Variants in MYOCD observed in about 807,000 individuals in gnomAD.
MYOCD encodes the protein myocardin.
In MYOCD, 32 loss-of-function variants were observed where a neutral mutation model predicts 96.1. That is an observed-to-expected ratio of 0.33 (90% CI 0.25 to 0.45). The LOEUF is 0.45. Ranked by LOEUF, MYOCD falls within the 20% of genes least tolerant of loss-of-function variation. MYOCD has a pLI of 1.00. For missense variants in MYOCD, 1,133 were observed against 1,200.6 expected, an observed-to-expected ratio of 0.94 and a Z score of 0.83; for synonymous variants, 469 against 469.0, an observed-to-expected ratio of 1.00 and a Z score of 0.00.
At chr17:12,749,720 T>C (rs376790768) in intron 9 of MYOCD, among the ~76,000 whole-genome samples, 1 of 21,792 alleles carries the variant, frequency 4.6e-5, no homozygotes, top group African/African-American at 1.2e-4. Flanking sequence ...TATATATATG[T>C]GTGTGTGTAT....
intron 4 of MYOCD, among the ~76,000 whole-genome samples, chr17:12,722,238 C>T (rs1228046021): frequency 6.6e-6 from 1 of 152,156 alleles, no homozygotes; most frequent in Non-Finnish European, 1.5e-5. Flanking sequence ...TCAGCTGTAT[C>T]GAAGTGGATT....
rs1280042954 is a variant in MYOCD, at chr17:12,763,731, A to G, written c.*87A>G. 3.8e-6 allele frequency: 4 copies of G among 1,064,748 alleles called. No homozygotes were observed. Among genetic ancestry groups the G allele is most frequent in the South Asian group, 3.7e-5 (2 of 53,934 alleles). 66.0% of individuals were successfully genotyped at this position (1,064,748 alleles called of 1,614,324 possible). On this transcript the variant is annotated 3_prime_UTR_variant, in exon 14 of 14. Transcript: ENST00000425538. Reference sequence around the variant, plus strand: ...CATACATACTTTACTGTCCAAAAACAGAAGAAGAAGAAGAGAATTAAAAAG... The same window carrying G: ...CATACATACTTTACTGTCCAAAAACGGAAGAAGAAGAAGAGAATTAAAAAG...
intron 1 of MYOCD, among the ~76,000 whole-genome samples, chr17:12,699,897 T>G (rs1219233657): frequency 6.8e-6 from 1 of 147,594 alleles, no homozygotes; most frequent in African/African-American, 2.5e-5. Flanking sequence ...TATTTCTTTT[T>G]TTTTTTTTAC....
At chr17:12,731,117 G>A (rs2032158571) in intron 5 of MYOCD, among the ~76,000 whole-genome samples, 1 of 152,176 alleles carries the variant, frequency 6.6e-6, no homozygotes, top group African/African-American at 2.4e-5. Flanking sequence ...CGCGTCTGCA[G>A]GGACAATAGC....
At chr17:12,740,507 C>G (rs1302872741) in intron 7 of MYOCD, among the ~76,000 whole-genome samples, 1 of 152,128 alleles carries the variant, frequency 6.6e-6, no homozygotes, top group Non-Finnish European at 1.5e-5. Flanking sequence ...TATTTCATTC[C>G]TTTTTATGGC....
intron 8 of MYOCD, among the ~76,000 whole-genome samples, chr17:12,745,287 G>A (rs909882412): frequency 5.9e-5 from 9 of 151,908 alleles, no homozygotes; most frequent in Non-Finnish European, 8.8e-5. Flanking sequence ...TTGGCTCACC[G>A]CAACCTCCGC....
At chr17:12,715,960 G>A (rs2031627063) in intron 3 of MYOCD, among the ~76,000 whole-genome samples, 1 of 152,140 alleles carries the variant, frequency 6.6e-6, no homozygotes, top group Non-Finnish European at 1.5e-5. Context: ...TCAAGGGTAA[G>A]GCATGGTTTA....
At chr17:12,756,115 C>T (rs922479719) in intron 10 of MYOCD, among the ~76,000 whole-genome samples, 3 of 152,086 alleles carry the variant, frequency 2.0e-5, no homozygotes, top group South Asian at 2.1e-4. Flanking sequence ...AGGTCCATGG[C>T]GGGAATAGTA....
intron 9 of MYOCD, among the ~76,000 whole-genome samples, chr17:12,749,323 T>G (rs1406104800): frequency 6.6e-6 from 1 of 151,762 alleles, no homozygotes; most frequent in African/African-American, 2.4e-5. Context: ...AGGTCAGGTG[T>G]TCAAAACCAG....
intron 5 of MYOCD, among the ~76,000 whole-genome samples, chr17:12,732,253 T>C (rs1378528096): frequency 6.6e-6 from 1 of 152,118 alleles, no homozygotes; most frequent in Non-Finnish European, 1.5e-5. Flanking sequence ...GCTCCTAAAA[T>C]AGCCCTCTCC....
intron 1 of MYOCD, among the ~76,000 whole-genome samples, chr17:12,697,292 T>A (rs1308961920): frequency 6.7e-6 from 1 of 149,144 alleles, no homozygotes. Context: ...TACTTAGGGT[T>A]CCAATTCGCT....
In MYOCD at chr17:12,753,131, G is replaced by A. The variant is rs577072079; in HGVS notation, c.1843G>A (p.Val615Met). ...QLQPLGNAHC[V>M]ESSDQTNVLS... ...CCAGCCTCTTGGAAATGCTCATTGT[G>A]TGGAGTCCTCAGATCAAACCAATGT... The change falls in exon 10 of 14, where the codon GTG becomes ATG. Residue 615 changes from valine (V) to methionine (M), a missense_variant. Coordinates refer to ENST00000425538, the MANE Select transcript of MYOCD (RefSeq NM_001146312.3). The A allele has an allele frequency of 3.5e-5, 57 of 1,614,174 alleles. No homozygotes were observed. In the South Asian group the frequency reaches 5.4e-4, roughly 15 times the overall value.
intron 5 of MYOCD, among the ~76,000 whole-genome samples, chr17:12,733,438 A>C (rs2032239434): frequency 6.6e-6 from 1 of 152,168 alleles, no homozygotes; most frequent in Admixed American, 6.5e-5. Context: ...TCACCTGCTG[A>C]CTTCCAGGAA....
chr17:12,740,605 A>C (rs2032477918), intron 7 of MYOCD, among the ~76,000 whole-genome samples: 2 of 152,230 alleles, frequency 1.3e-5, no homozygotes, highest in South Asian at 2.1e-4. Context: ...ATATCTTTGC[A>C]CTTGCGACTC....
At chr17:12,742,026 C>A (rs2032527305) in intron 7 of MYOCD, among the ~76,000 whole-genome samples, 1 of 152,070 alleles carries the variant, frequency 6.6e-6, no homozygotes, top group African/African-American at 2.4e-5. Context: ...AAAAAAAGCT[C>A]CTGGACCTCC....
At chr17:12,671,536 T>C (rs1010744864) in intron 1 of MYOCD, among the ~76,000 whole-genome samples, 3 of 152,240 alleles carry the variant, frequency 2.0e-5, no homozygotes, top group African/African-American at 7.2e-5. Context: ...AGGTCATCTA[T>C]GGCTCAATGA....
At chr17:12,684,374 C>A (rs1223530713) in intron 1 of MYOCD, among the ~76,000 whole-genome samples, 1 of 152,136 alleles carries the variant, frequency 6.6e-6, no homozygotes, top group Admixed American at 6.5e-5. Flanking sequence ...GAAAGTGGAA[C>A]GTAGCATCCA....
chr17:12,717,396 C>T lies in MYOCD; in HGVS notation c.228C>T (p.Asp76=). The part of the protein sequence containing the change: ...RKARNRCNSA[D]LVNMHILQAS... ...CCAGAAACAGGTGCAACAGTGCCGA[C>T]TTGGTTAATATGCACATACTCCAAG... The change falls in exon 4 of 14, where the codon GAC becomes GAT. Residue 76 remains aspartate (D), a synonymous_variant. Transcript: ENST00000425538. 1.9e-6 allele frequency: 3 copies of T among 1,614,034 alleles called. No individual in the cohort carries two copies. The highest frequency in any genetic ancestry group is 2.5e-6 in the Non-Finnish European group (3 of 1,179,978).
chr17:12,759,365 C>T (rs1224623624), intron 12 of MYOCD, among the ~76,000 whole-genome samples: 1 of 152,214 alleles, frequency 6.6e-6, no homozygotes, highest in African/African-American at 2.4e-5. Flanking sequence ...TCTTTTGCTA[C>T]TTTGAGCCAC....
Sources: gnomAD v4.1 joint callset for allele counts (sites outside exome capture counted in the v4.1 genomes callset) on GRCh38, gnomAD v4.1.1 for gene constraint, MANE v1.5 for transcripts, NCBI Gene and HGNC (gene_info 2026-07-23, HGNC 2026-07-21) for gene names.